The following KIF5C variants were observed in gnomAD, a reference collection of about 807,000 sequenced individuals.
KIF5C encodes the protein kinesin family member 5C, also known as kinesin heavy chain isoform 5C.
In KIF5C, 18 loss-of-function variants were observed where a neutral mutation model predicts 125.2. The ratio of observed to expected loss-of-function variants is 0.14; its 90% CI spans 0.10 to 0.21. The LOEUF is 0.21. Ranked by LOEUF, KIF5C falls within the 10% of genes least tolerant of loss-of-function variation. The probability of loss-of-function intolerance (pLI) is 1.00; values close to 1 mark genes in which losing one functional copy is unlikely to be tolerated. For synonymous variants in KIF5C, 405 were observed against 434.0 expected (o/e 0.93, Z 0.83); for missense variants, 780 against 1,183.8 (o/e 0.66, Z 5.01).
intron 15 of KIF5C, among the ~76,000 whole-genome samples, chr2:148,984,281 G>T (rs956387647): frequency 2.6e-5 from 4 of 152,166 alleles, no homozygotes; most frequent in African/African-American, 9.7e-5. Flanking sequence ...CCTCACCTGG[G>T]AGCTTATTGG....
chr2:148,947,626 G>A (rs756541907), intron 8 of KIF5C, among the ~76,000 whole-genome samples: 22 of 152,188 alleles, frequency 1.4e-4, no homozygotes, highest in Non-Finnish European at 2.8e-4. Flanking sequence ...CTCTTTTGTC[G>A]TCTACACCCT....
At chr2:148,963,096 C>A (rs1682968214) in intron 11 of KIF5C, among the ~76,000 whole-genome samples, 1 of 151,432 alleles carries the variant, frequency 6.6e-6, no homozygotes, top group Non-Finnish European at 1.5e-5. Context: ...GTTTCCAGAT[C>A]TAAGTGCAGA....
chr2:148,964,779 G>A (rs372251943), intron 11 of KIF5C, among the ~76,000 whole-genome samples: 5 of 152,128 alleles, frequency 3.3e-5, no homozygotes, highest in African/African-American at 9.7e-5. Context: ...AGATGGGCTC[G>A]AGGGATAGGC....
chr2:148,994,637 C>G (rs1190935830), intron 17 of KIF5C, 99 bp downstream of exon 17: 7 of 1,380,978 alleles, frequency 5.1e-6, no homozygotes, highest in Non-Finnish European at 6.7e-6. Flanking sequence ...TCAGTTAAAG[C>G]ATTTCTAGGT....
intron 25 of KIF5C, among the ~76,000 whole-genome samples, chr2:149,018,654 C>CAAT (rs542109189): frequency 2.6e-5 from 4 of 151,746 alleles, no homozygotes; most frequent in African/African-American, 4.8e-5. Context: ...GACTCTGTCT[C>CAAT]AATAATAATA....
chr2:148,908,801 GAA>G (rs569451345), intron 1 of KIF5C, among the ~76,000 whole-genome samples: 115 of 152,276 alleles, frequency 7.6e-4, no homozygotes, highest in African/African-American at 2.6e-3. Context: ...GCTTAAAATA[GAA>G]AAGAGTTACT....
chr2:148,892,792 A>T (rs1681744471), intron 1 of KIF5C, among the ~76,000 whole-genome samples: 1 of 152,182 alleles, frequency 6.6e-6, no homozygotes, highest in Non-Finnish European at 1.5e-5. Flanking sequence ...TTAAAAATGG[A>T]GAGATTTATG....
chr2:148,986,214 A>T (rs1324651359), intron 15 of KIF5C, among the ~76,000 whole-genome samples: 2 of 152,248 alleles, frequency 1.3e-5, no homozygotes, highest in Non-Finnish European at 2.9e-5. Context: ...TATTGAAAAA[A>T]GAGTCTTTAC....
chr2:148,929,227 C>A, intron 2 of KIF5C, 54 bp from the exon 3 acceptor site: 1 of 1,102,830 alleles, frequency 9.1e-7, no homozygotes, highest in Admixed American at 2.1e-5. Context: ...GCAACCTACA[C>A]CAGCATATGA....
chr2:148,877,542 A>T (rs1681226653), intron 1 of KIF5C, among the ~76,000 whole-genome samples: 1 of 152,224 alleles, frequency 6.6e-6, no homozygotes, highest in South Asian at 2.1e-4. Flanking sequence ...CTACAGCCTG[A>T]TCTGCTACTT....
At chr2:148,943,147 A>G (rs1276754946) in intron 7 of KIF5C, among the ~76,000 whole-genome samples, 3 of 152,196 alleles carry the variant, frequency 2.0e-5, no homozygotes, top group Admixed American at 1.3e-4. Flanking sequence ...AACAAATTCT[A>G]TAATATGTTG....
chr2:148,997,268 A>C lies in KIF5C; in HGVS notation c.2028A>C (p.Lys676Asn). 1 of 1,611,298 alleles carries C rather than the reference A, an allele frequency of 6.2e-7. No individual in the cohort carries two copies. The highest frequency in any genetic ancestry group is 8.5e-7 in the Non-Finnish European group (1 of 1,177,632). The change falls in exon 18 of 26, where the codon AAA (lysine) becomes AAC (asparagine). Residue 676 changes from lysine to asparagine, a missense_variant. Lys to Asn is a moderately conservative substitution (Grantham distance 94). Coordinates refer to ENST00000435030, the MANE Select transcript of KIF5C (RefSeq NM_004522.3). ...EELAKLRAQE[K>N]MHEVSFQDKE... ...ATCATTTAAAATTCAAAACAGAAAA[A>C]ATGCACGAAGTCAGCTTCCAGGATA...
intron 23 of KIF5C, among the ~76,000 whole-genome samples, chr2:149,009,617 T>C (rs1319069967): frequency 2.6e-5 from 4 of 152,106 alleles, no homozygotes; most frequent in African/African-American, 9.7e-5. Context: ...AGGCGCAGTC[T>C]CCTCCTCTTA....
chr2:148,899,212 C>A (rs1193462575), intron 1 of KIF5C, among the ~76,000 whole-genome samples: 2 of 152,120 alleles, frequency 1.3e-5, no homozygotes, highest in South Asian at 4.1e-4. Flanking sequence ...AGTGACAAAG[C>A]ATAGAAAGCC....
chr2:148,995,318 T>C (rs764846029), intron 17 of KIF5C, among the ~76,000 whole-genome samples: 1 of 152,234 alleles, frequency 6.6e-6, no homozygotes, highest in Non-Finnish European at 1.5e-5. Context: ...CATGGCATCC[T>C]GTTGCTCTTA....
At chr2:148,882,169 G>T (rs1681382713) in intron 1 of KIF5C, among the ~76,000 whole-genome samples, 1 of 152,104 alleles carries the variant, frequency 6.6e-6, no homozygotes, top group Non-Finnish European at 1.5e-5. Flanking sequence ...CGAACCTGAG[G>T]GTGAGTCAGA....
At chr2:148,940,882 A>G (rs766837443) in intron 4 of KIF5C, among the ~76,000 whole-genome samples, 1 of 152,192 alleles carries the variant, frequency 6.6e-6, no homozygotes, top group Admixed American at 6.5e-5. Flanking sequence ...ATCAGCCAGC[A>G]TAAGAATCGC....
In KIF5C at chr2:149,005,764, A is replaced by C. The variant is rs1681988123; in HGVS notation, c.2445+300A>C. On this transcript the variant is annotated intron_variant, in intron 22 of 25. Transcript: ENST00000435030. ...GTGAGGGCAACTGCTCTTGACACAG[A>C]AACATTTAGAGCAGTCATTTCAGAA... Among the ~76,000 whole-genome samples, 4 of 152,238 alleles carry C rather than the reference A, an allele frequency of 2.6e-5. 1 individual carries two copies. The highest frequency in any genetic ancestry group is 2.6e-4 in the Admixed American group (4 of 15,284).
At chr2:148,946,019 C>G (rs144485824) in intron 7 of KIF5C, among the ~76,000 whole-genome samples, 6 of 152,218 alleles carry the variant, frequency 3.9e-5, no homozygotes, top group Non-Finnish European at 8.8e-5. Flanking sequence ...AAGTCTTTCT[C>G]TTCTTTGGTT....
Sources: gnomAD v4.1 joint callset for allele counts (sites outside exome capture counted in the v4.1 genomes callset) on GRCh38, gnomAD v4.1.1 for gene constraint, MANE v1.5 for transcripts, NCBI Gene and HGNC (gene_info 2026-07-23, HGNC 2026-07-21) for gene names.